EVI5: variants seen among roughly 807,000 people sequenced by gnomAD.
EVI5 encodes the protein ecotropic viral integration site 5 protein homolog.
Under a neutral mutation model 112.0 loss-of-function variants are expected in EVI5, and 73 were observed. The ratio of observed to expected loss-of-function variants is 0.65; its 90% CI spans 0.54 to 0.79. The LOEUF is 0.79. Ranked by LOEUF, EVI5 falls within the 30% of genes least tolerant of loss-of-function variation. The pLI is 0.00. For synonymous variants in EVI5, 305 were observed against 319.9 expected, an observed-to-expected ratio of 0.95 and a Z score of 0.50; for missense variants, 900 against 968.8, an observed-to-expected ratio of 0.93 and a Z score of 0.94.
chr1:92,534,207 G>C (rs183600357), intron 19 of EVI5, among the ~76,000 whole-genome samples: 2 of 151,964 alleles, frequency 1.3e-5, no homozygotes, highest in Non-Finnish European at 2.9e-5. Flanking sequence ...AAAAAACCAG[G>C]GAATACAACT....
Position 92,747,716 on chromosome 1 carries a change from C to CAAAAAAAAA in EVI5, c.-81-11098_-81-11090dup, listed in dbSNP as rs3042578. Among the ~76,000 whole-genome samples, 3 of 83,550 alleles carry CAAAAAAAAA rather than the reference C, an allele frequency of 3.6e-5. 1 individual carries two copies. The highest frequency in any genetic ancestry group is 4.8e-5 in the African/African-American group (1 of 21,030). 54.8% of individuals were successfully genotyped at this position (83,550 alleles called of 152,430 possible). ...GTGACAGAGCCAGACTCCATCTCAC[C>CAAAAAAAAA]AAAAAAAAAAACAAAAAAAAAAACC... is the stretch of plus-strand genomic sequence containing the variant. On this transcript the variant is annotated intron_variant, in intron 1 of 19. Transcript: ENST00000684568.
In EVI5 at chr1:92,710,752, TTGG is replaced by T. The variant is rs1403625564; in HGVS notation, c.150-6011_150-6009del. On this transcript the variant is annotated intron_variant, in intron 2 of 19. Transcript: ENST00000684568. Reference sequence around the variant, plus strand: ...CAGCCACACAATAGTGAGATTGGGGTTGGGGGGGGGGTGCCAATATACCAACTG... The same window carrying T: ...CAGCCACACAATAGTGAGATTGGGGTGGGGGGGGTGCCAATATACCAACTG... Among the ~76,000 whole-genome samples the T allele has an allele frequency of 2.8e-3, 406 of 143,362 alleles. 5 individuals carry two copies. Among genetic ancestry groups the T allele is most frequent in the African/African-American group, 7.5e-3 (285 of 38,116 alleles). The allele number at this position is 143,362 out of a possible 152,430, so 94.1% of individuals were successfully genotyped here.
chr1:92,689,224 T>C (rs1669073151), intron 9 of EVI5, among the ~76,000 whole-genome samples: 1 of 152,190 alleles, frequency 6.6e-6, no homozygotes, highest in Non-Finnish European at 1.5e-5. Context: ...AATTCTGTGA[T>C]GCTGAACACA....
At chr1:92,733,524 G>A (rs1196776836) in intron 2 of EVI5, among the ~76,000 whole-genome samples, 2 of 150,804 alleles carry the variant, frequency 1.3e-5, no homozygotes, top group African/African-American at 2.4e-5. Flanking sequence ...TCCTGCCTCA[G>A]CCTCCCGAGT....
At chr1:92,561,662 T>TATCTATCA (rs1668656688) in intron 19 of EVI5, among the ~76,000 whole-genome samples, 1 of 123,334 alleles carries the variant, frequency 8.1e-6, no homozygotes, top group African/African-American at 3.0e-5. Context: ...TCTATCTATC[T>TATCTATCA]ATCAGAGTCT....
chr1:92,682,916 T>C (rs1667853254), intron 9 of EVI5, among the ~76,000 whole-genome samples: 1 of 152,220 alleles, frequency 6.6e-6, no homozygotes, highest in Non-Finnish European at 1.5e-5. Flanking sequence ...GACTTCTAAA[T>C]TTTGTTTTAT....
chr1:92,626,020 A>C (rs1346590047), intron 14 of EVI5, 86 bp from the exon 15 acceptor site: 2 of 762,326 alleles, frequency 2.6e-6, no homozygotes, highest in African/African-American at 1.8e-5. Context: ...TTCCACACTT[A>C]AATGTATTTA....
intron 2 of EVI5, among the ~76,000 whole-genome samples, chr1:92,720,292 T>G (rs1029315758): frequency 6.6e-6 from 1 of 152,042 alleles, no homozygotes; most frequent in African/African-American, 2.4e-5. Flanking sequence ...AAGGCTACAG[T>G]AACCAAAACA....
rs1042170543 is a variant in EVI5 at position 92,550,286 on chromosome 1, G to C, written c.2166+13356C>G. 2.1e-5 allele frequency among the ~76,000 whole-genome samples: 3 copies of C among 142,552 alleles called. No individual in the cohort carries two copies. In the East Asian group the frequency reaches 6.4e-4, roughly 30 times the overall value. 93.5% of individuals were successfully genotyped at this position (142,552 alleles called of 152,430 possible). On this transcript the variant is annotated intron_variant, in intron 19 of 19. Coordinates refer to ENST00000684568, the MANE Select transcript of EVI5 (RefSeq NM_001350197.2). ...ACCGTATGTTCTCACTCATAGGTGG[G>C]AACTGAACAATGAGAACAGCTGGAC...
At chr1:92,744,249 G>A (rs533673056) in intron 1 of EVI5, among the ~76,000 whole-genome samples, 1 of 152,276 alleles carries the variant, frequency 6.6e-6, no homozygotes, top group East Asian at 1.9e-4. Flanking sequence ...CTTGGCGAAT[G>A]TTCCATATGA....
intron 1 of EVI5, chr1:92,773,873 A>C (rs190568032): frequency 1.3e-5 from 2 of 151,784 alleles, no homozygotes; most frequent in Non-Finnish European, 2.9e-5. Flanking sequence ...AGAAAAAAAA[A>C]TTTTTTAATT....
At chr1:92,569,631 G>A (rs370141367) in intron 18 of EVI5, among the ~76,000 whole-genome samples, 13 of 151,882 alleles carry the variant, frequency 8.6e-5, no homozygotes, top group Non-Finnish European at 1.5e-4. Context: ...CGAGGCAGGC[G>A]GATCACGAGG....
At chr1:92,608,304 A>C (rs1650921303) in intron 16 of EVI5, among the ~76,000 whole-genome samples, 1 of 152,232 alleles carries the variant, frequency 6.6e-6, no homozygotes. Context: ...ACACAACTTG[A>C]AGGTATTCCT....
chr1:92,649,462 T>G (rs938358119), intron 13 of EVI5, among the ~76,000 whole-genome samples: 2 of 152,230 alleles, frequency 1.3e-5, no homozygotes, highest in Non-Finnish European at 2.9e-5. Context: ...CATGAAGATT[T>G]ATCTCTATGT....
rs201958452 is a variant in EVI5 at position 92,661,694 on chromosome 1, G to GA, written c.1392+1024dup. ...TTTTTCTTAGCAATCTTCAATAACA[G>GA]AAAAAAAAAGATGTTTATGACCCTT... is the stretch of plus-strand genomic sequence containing the variant. On this transcript the variant is annotated intron_variant, in intron 13 of 19. Transcript: ENST00000684568. Among the ~76,000 whole-genome samples the GA allele has an allele frequency of 4.6e-3, 685 of 149,838 alleles. 6 individuals carry two copies. The highest frequency in any genetic ancestry group is 6.9e-3 in the Non-Finnish European group (462 of 67,350).
At chr1:92,535,588 A>G (rs1292318603) in intron 19 of EVI5, among the ~76,000 whole-genome samples, 1 of 152,212 alleles carries the variant, frequency 6.6e-6, no homozygotes, top group African/African-American at 2.4e-5. Context: ...ATAAAAAAAA[A>G]TGAGTTCATG....
chr1:92,750,367 G>A (rs931196570), intron 1 of EVI5, among the ~76,000 whole-genome samples: 1 of 152,046 alleles, frequency 6.6e-6, no homozygotes, highest in African/African-American at 2.4e-5. Flanking sequence ...ATAAAAAATG[G>A]TATTTGCTTT....
intron 1 of EVI5, among the ~76,000 whole-genome samples, chr1:92,754,095 T>C (rs1034539979): frequency 2.0e-5 from 3 of 152,242 alleles, no homozygotes; most frequent in African/African-American, 7.2e-5. Context: ...GTAGCATTAG[T>C]AGCTGAGAGG....
chr1:92,532,409 T>C (rs1663024490), intron 19 of EVI5, among the ~76,000 whole-genome samples: 1 of 152,120 alleles, frequency 6.6e-6, no homozygotes, highest in Non-Finnish European at 1.5e-5. Context: ...ATCCAGGGCT[T>C]AAAATCAGCT....
Sources: allele counts gnomAD v4.1 joint callset (sites outside exome capture counted in the v4.1 genomes callset), GRCh38; gene constraint gnomAD v4.1.1; transcripts MANE v1.5; gene names NCBI Gene and HGNC (gene_info 2026-07-23, HGNC 2026-07-21).